Variants in ANTXR1 observed in about 807,000 individuals in gnomAD.
ANTXR1 encodes the protein anthrax toxin receptor 1.
In ANTXR1, 19 loss-of-function variants were observed where a neutral mutation model predicts 78.1. That is an observed-to-expected ratio of 0.24 (90% CI 0.17 to 0.36). The LOEUF is 0.36. ANTXR1 is among the 10% of genes least tolerant of loss of function. ANTXR1 has a pLI of 1.00. For missense variants in ANTXR1, 518 were observed against 718.6 expected (o/e 0.72, Z 3.19); for synonymous variants, 273 against 260.5 (o/e 1.05, Z -0.46).
intron 17 of ANTXR1, among the ~76,000 whole-genome samples, chr2:69,235,037 T>C (rs994769326): frequency 1.4e-5 from 2 of 144,760 alleles, no homozygotes; most frequent in African/African-American, 2.5e-5. Context: ...TTTTTTTTTT[T>C]TTTGAGACGG....
intron 17 of ANTXR1, among the ~76,000 whole-genome samples, chr2:69,242,069 A>C (rs570114671): frequency 6.6e-6 from 1 of 152,134 alleles, no homozygotes; most frequent in African/African-American, 2.4e-5. Context: ...GAGTGAGGGG[A>C]GGGTCTATAA....
intron 6 of ANTXR1, among the ~76,000 whole-genome samples, chr2:69,075,239 C>T (rs542638608): frequency 7.9e-5 from 12 of 152,268 alleles, no homozygotes; most frequent in African/African-American, 2.9e-4. Context: ...ATCACGCCCC[C>T]ATTACAAAGA....
intron 17 of ANTXR1, among the ~76,000 whole-genome samples, chr2:69,205,260 G>A (rs1017160554): frequency 1.3e-5 from 2 of 152,122 alleles, no homozygotes; most frequent in Non-Finnish European, 2.9e-5. Context: ...AGGGAGAGAA[G>A]GGCCGCCTTC....
Position 69,048,211 on chromosome 2 carries a change from T to C in ANTXR1, c.296+3398T>C, listed in dbSNP as rs558415255. Reference sequence around the variant, plus strand: ...CGTGAAGGAAGTTCAACTATTCATTTAAAAAAAAATAGATGCTCAATTTAA... The same window carrying C: ...CGTGAAGGAAGTTCAACTATTCATTCAAAAAAAAATAGATGCTCAATTTAA... On this transcript the variant is annotated intron_variant, in intron 3 of 17. Transcript: ENST00000303714. Among the ~76,000 whole-genome samples, 5 of 151,486 alleles carry C rather than the reference T, an allele frequency of 3.3e-5. No individual in the cohort carries two copies. In the South Asian group the frequency reaches 1.0e-3, roughly 32 times the overall value.
intron 3 of ANTXR1, among the ~76,000 whole-genome samples, chr2:69,068,136 C>T (rs1670457492): frequency 6.6e-6 from 1 of 152,114 alleles, no homozygotes; most frequent in South Asian, 2.1e-4. Flanking sequence ...CATCCATTCC[C>T]TCCACTCACC....
chr2:69,023,325 T>G (rs893230000), intron 1 of ANTXR1, among the ~76,000 whole-genome samples: 2 of 152,016 alleles, frequency 1.3e-5, no homozygotes. Flanking sequence ...ATGGTAGTGG[T>G]GATGGTGACA....
At chr2:69,143,828 G>A (rs1275766377) in intron 12 of ANTXR1, among the ~76,000 whole-genome samples, 1 of 152,142 alleles carries the variant, frequency 6.6e-6, no homozygotes. Flanking sequence ...CATGAGGAAA[G>A]TGGAAAGGAA....
chr2:69,077,023 A>C (rs1435499191), intron 7 of ANTXR1, among the ~76,000 whole-genome samples: 1 of 152,262 alleles, frequency 6.6e-6, no homozygotes, highest in Non-Finnish European at 1.5e-5. Flanking sequence ...AGGGAACTTG[A>C]ATCTGCTTGA....
chr2:69,121,362 C>T (rs1318380118), intron 10 of ANTXR1, among the ~76,000 whole-genome samples: 3 of 152,218 alleles, frequency 2.0e-5, no homozygotes, highest in Non-Finnish European at 2.9e-5. Flanking sequence ...TCAAAGCCTG[C>T]ATCTCTAGTA....
chr2:69,215,283 T>C (rs1287743921), intron 17 of ANTXR1, among the ~76,000 whole-genome samples: 1 of 152,188 alleles, frequency 6.6e-6, no homozygotes, highest in Non-Finnish European at 1.5e-5. Context: ...GCAACTTTTC[T>C]CTCCAAGAAA....
rs533209254 is a variant in ANTXR1 at position 69,130,019 on chromosome 2, A to T, written c.951+5376A>T. On this transcript the variant is annotated intron_variant, in intron 12 of 17. Coordinates refer to ENST00000303714, the MANE Select transcript of ANTXR1 (RefSeq NM_032208.3). ...TGTTCATGGGCTCTCCCAGACCATGACTTTGTTGTTGTTTTTCCTTCTTGT... is the reference window on the plus strand; with the variant it reads ...TGTTCATGGGCTCTCCCAGACCATGTCTTTGTTGTTGTTTTTCCTTCTTGT... 3.5e-4 allele frequency among the ~76,000 whole-genome samples: 53 copies of T among 152,218 alleles called. No homozygotes were observed. In the Middle Eastern group the frequency reaches 0.01, roughly 29 times the overall value.
intron 9 of ANTXR1, among the ~76,000 whole-genome samples, chr2:69,091,167 C>G (rs764344831): frequency 2.0e-5 from 3 of 151,262 alleles, no homozygotes; most frequent in Non-Finnish European, 4.4e-5. Context: ...TCACTGGGCG[C>G]GGCGCCTTAT....
At chr2:69,192,374 G>A (rs1438951224) in intron 16 of ANTXR1, among the ~76,000 whole-genome samples, 5 of 152,008 alleles carry the variant, frequency 3.3e-5, no homozygotes, top group African/African-American at 9.7e-5. Flanking sequence ...ACACCCACTG[G>A]TTTATGGCCG....
At chr2:69,047,182 T>G (rs991375162) in intron 3 of ANTXR1, among the ~76,000 whole-genome samples, 3 of 152,176 alleles carry the variant, frequency 2.0e-5, no homozygotes, top group African/African-American at 7.2e-5. Flanking sequence ...TCAGGGATCA[T>G]GAACCAATCC....
At chr2:69,108,113 T>C (rs1326160432) in intron 10 of ANTXR1, among the ~76,000 whole-genome samples, 3 of 152,218 alleles carry the variant, frequency 2.0e-5, no homozygotes, top group South Asian at 2.1e-4. Context: ...GCTAGTGCAA[T>C]TGAGGAACTG....
At chr2:69,065,096 AT>A (rs1487608196) in intron 3 of ANTXR1, among the ~76,000 whole-genome samples, 1 of 152,224 alleles carries the variant, frequency 6.6e-6, no homozygotes, top group East Asian at 1.9e-4. Flanking sequence ...AAAGTTGAGT[AT>A]TTTAAAAGAA....
At chr2:69,129,604 T>C (rs574187756) in intron 12 of ANTXR1, among the ~76,000 whole-genome samples, 10 of 152,092 alleles carry the variant, frequency 6.6e-5, no homozygotes, top group Admixed American at 2.6e-4. Flanking sequence ...ATACAAAAAT[T>C]AGCTGGTGTG....
At chr2:69,172,489 T>A (rs1674017094) in intron 14 of ANTXR1, 1 of 1,491,438 alleles carries the variant, frequency 6.7e-7, no homozygotes. Context: ...ATCTAGACAG[T>A]CTTTTCCTCT....
intron 9 of ANTXR1, among the ~76,000 whole-genome samples, chr2:69,100,387 C>T (rs1671568985): frequency 6.6e-6 from 1 of 152,174 alleles, no homozygotes; most frequent in African/African-American, 2.4e-5. Context: ...CTCCCCAGAG[C>T]ATCATTTCCT....
Sources: gnomAD v4.1 joint callset for allele counts (sites outside exome capture counted in the v4.1 genomes callset) on GRCh38, gnomAD v4.1.1 for gene constraint, MANE v1.5 for transcripts, NCBI Gene and HGNC (gene_info 2026-07-23, HGNC 2026-07-21) for gene names.